Variants in MACO1 observed in about 807,000 individuals in gnomAD.
The protein encoded by MACO1 is macoilin 1.
In MACO1, 14 loss-of-function variants were observed where a neutral mutation model predicts 78.7. The ratio of observed to expected loss-of-function variants is 0.18; its 90% CI spans 0.12 to 0.28. The LOEUF is 0.28. Ranked by LOEUF, MACO1 falls within the 10% of genes least tolerant of loss-of-function variation. MACO1 has a pLI of 1.00. For synonymous variants in MACO1, 288 were observed against 291.6 expected (o/e 0.99, Z 0.12); for missense variants, 501 against 799.0 (o/e 0.63, Z 4.50).
chr1:25,431,210 G>A (rs1384996407), intron 1 of MACO1, 32 bp downstream of exon 1: 1 of 1,550,112 alleles, frequency 6.5e-7, no homozygotes, highest in Non-Finnish European at 8.7e-7. Flanking sequence ...CCGCGGGCGC[G>A]GGCCCTGCGG....
intron 3 of MACO1, among the ~76,000 whole-genome samples, chr1:25,453,172 A>T (rs1190828310): frequency 6.6e-6 from 1 of 150,608 alleles, no homozygotes; most frequent in Non-Finnish European, 1.5e-5. Context: ...CGCCCGGCTA[A>T]TGTTTGTATT....
chr1:25,439,405 TAAAC>T (rs143442147), intron 1 of MACO1, among the ~76,000 whole-genome samples: 64,569 of 151,056 alleles, frequency 0.43, 15,222 homozygotes, highest in Non-Finnish European at 0.54. Context: ...CTGAAAAAAA[TAAAC>T]AAACAAAAAA....
intron 9 of MACO1, among the ~76,000 whole-genome samples, chr1:25,489,987 A>G (rs2043470472): frequency 6.6e-6 from 1 of 152,090 alleles, no homozygotes; most frequent in Non-Finnish European, 1.5e-5. Context: ...ATAACTGGAG[A>G]AAAAAAATTA....
At chr1:25,498,218 G>T in intron 10 of MACO1, 46 bp from the exon 11 acceptor site, 1 of 1,602,612 alleles carries the variant, frequency 6.2e-7, no homozygotes, top group Non-Finnish European at 8.5e-7. Context: ...ACATTGTGTT[G>T]GGTGAGGCCT....
At chr1:25,452,121 G>T (rs2043072095) in intron 3 of MACO1, among the ~76,000 whole-genome samples, 1 of 151,896 alleles carries the variant, frequency 6.6e-6, no homozygotes. Context: ...TGTGAACTTG[G>T]GCCCAGTTTA....
In MACO1 at chr1:25,456,694, G is replaced by C. The variant is rs1453017237; in HGVS notation, c.515G>C (p.Ser172Thr). 1.2e-6 allele frequency: 2 copies of C among 1,613,656 alleles called. No homozygotes were observed. The highest frequency in any genetic ancestry group is 1.7e-6 in the Non-Finnish European group (2 of 1,179,876). ...PVVTLGFGFKSYVSYKMRLRK... is the reference protein window; with the variant it reads ...PVVTLGFGFKTYVSYKMRLRK... ...GTAACTTTGGGGTTTGGCTTCAAAA[G>C]TTACGTAAGCTACAAAATGCGGTTA... The change falls in exon 5 of 11, where the codon AGT becomes ACT. Residue 172 changes from serine (S) to threonine (T), a missense_variant. This residue lies in a region of MACO1 where 171 missense variants were observed against 292.1 expected (regional missense o/e 0.59). Coordinates refer to ENST00000374343, the MANE Select transcript of MACO1 (RefSeq NM_018202.6).
chr1:25,477,304 A>G (rs2124602321), intron 6 of MACO1, among the ~76,000 whole-genome samples: 1 of 152,356 alleles, frequency 6.6e-6, no homozygotes, highest in South Asian at 2.1e-4. Flanking sequence ...GTAACATAGT[A>G]AAAGGCAGAA....
chr1:25,486,509 CAGTT>C (rs1437772809), intron 8 of MACO1, among the ~76,000 whole-genome samples: 4 of 152,070 alleles, frequency 2.6e-5, no homozygotes, highest in African/African-American at 9.7e-5. Context: ...ATGTGGGAAT[CAGTT>C]AGGTGTTTGC....
chr1:25,495,738 CG>C (rs1271389612), intron 10 of MACO1, among the ~76,000 whole-genome samples: 1 of 152,046 alleles, frequency 6.6e-6, no homozygotes, highest in African/African-American at 2.4e-5. Context: ...CCAAGGTGGG[CG>C]GATCACAAGG....
intron 1 of MACO1, among the ~76,000 whole-genome samples, chr1:25,443,668 A>G (rs1414501765): frequency 6.6e-6 from 1 of 152,270 alleles, no homozygotes; most frequent in African/African-American, 2.4e-5. Context: ...AAAAGTACGT[A>G]TTCAACAGGC....
At chr1:25,433,797 A>G (rs2042896780) in intron 1 of MACO1, among the ~76,000 whole-genome samples, 1 of 152,224 alleles carries the variant, frequency 6.6e-6, no homozygotes, top group South Asian at 2.1e-4. Flanking sequence ...AGATATGTAC[A>G]GTTTGTGAAA....
intron 6 of MACO1, among the ~76,000 whole-genome samples, chr1:25,476,141 C>G (rs1230861657): frequency 1.3e-5 from 2 of 152,224 alleles, no homozygotes; most frequent in South Asian, 4.1e-4. Flanking sequence ...GTTCTTGGCA[C>G]TCACAGCTTT....
chr1:25,489,429 CA>C (rs2043464901), intron 9 of MACO1, 136 bp downstream of exon 9: 1 of 1,036,226 alleles, frequency 9.7e-7, no homozygotes, highest in Non-Finnish European at 1.3e-6. Context: ...CTCTATGTGA[CA>C]AAAAGATTTG....
intron 10 of MACO1, among the ~76,000 whole-genome samples, chr1:25,496,261 C>T (rs1262827719): frequency 1.3e-5 from 2 of 151,932 alleles, no homozygotes; most frequent in African/African-American, 2.4e-5. Flanking sequence ...GACCCTCCTG[C>T]GTCAGCCTTC....
intron 2 of MACO1, 33 bp downstream of exon 2, chr1:25,446,936 G>A: frequency 6.2e-7 from 1 of 1,600,860 alleles, no homozygotes; most frequent in Non-Finnish European, 8.5e-7. Flanking sequence ...TCCATGTGTG[G>A]GGACCATTCA....
intron 1 of MACO1, among the ~76,000 whole-genome samples, chr1:25,441,530 C>T (rs1221260893): frequency 6.6e-6 from 1 of 152,216 alleles, no homozygotes; most frequent in African/African-American, 2.4e-5. Context: ...ATCCTGTAGT[C>T]AGAGTACTGT....
chr1:25,488,109 T>A (rs866840051), intron 8 of MACO1, among the ~76,000 whole-genome samples: 15 of 152,322 alleles, frequency 9.8e-5, no homozygotes, highest in South Asian at 8.3e-4. Flanking sequence ...TGGAGTGCAA[T>A]GGTGCAGTCA....
chr1:25,495,097 C>CT (rs957609367), intron 10 of MACO1, among the ~76,000 whole-genome samples: 11 of 152,140 alleles, frequency 7.2e-5, no homozygotes, highest in African/African-American at 2.7e-4. Context: ...CTTACACTGA[C>CT]TTTTTTTGCC....
At chr1:25,433,909 A>G (rs1378079450) in intron 1 of MACO1, among the ~76,000 whole-genome samples, 4 of 152,228 alleles carry the variant, frequency 2.6e-5, no homozygotes, top group African/African-American at 9.6e-5. Flanking sequence ...GAAATACTGT[A>G]AGATTTGGTG....
Sources: allele counts gnomAD v4.1 joint callset (sites outside exome capture counted in the v4.1 genomes callset), GRCh38; gene constraint gnomAD v4.1.1; regional missense constraint gnomAD v4.1.1; transcripts MANE v1.5; gene names NCBI Gene and HGNC (gene_info 2026-07-23, HGNC 2026-07-21).